The following MPHOSPH6 variants were observed in gnomAD, a reference collection of about 807,000 sequenced individuals.
MPHOSPH6 encodes M-phase phosphoprotein 6.
In MPHOSPH6, 25 loss-of-function variants were observed where a neutral mutation model predicts 21.8. The observed-to-expected ratio is 1.15, with a 90% confidence interval of 0.83 to 1.60. The LOEUF (loss-of-function observed/expected upper bound fraction) is 1.60, where lower values mean the gene tolerates loss of function less well. Among genes scored for constraint, MPHOSPH6 ranks in the 40% most tolerant of loss-of-function variants. The pLI is 0.00. For missense variants in MPHOSPH6, 269 were observed against 181.8 expected (o/e 1.48, Z -2.76); for synonymous variants, 84 against 56.5 (o/e 1.49, Z -2.18).
intron 1 of MPHOSPH6, chr16:82,165,051 GT>G (rs2142417897): frequency 6.6e-6 from 1 of 150,894 alleles, no homozygotes; most frequent in African/African-American, 2.4e-5. Flanking sequence ...TAGCAGTTAG[GT>G]TTCAGCTTCC....
intron 2 of MPHOSPH6, among the ~76,000 whole-genome samples, chr16:82,156,292 G>C (rs1289449235): frequency 1.3e-5 from 2 of 152,158 alleles, no homozygotes; most frequent in South Asian, 2.1e-4. Flanking sequence ...CACTGAGCTT[G>C]AGTTAATGAT....
At chr16:82,169,997 A>G (rs1030153665) in intron 1 of MPHOSPH6, 128 bp downstream of exon 1, 3 of 1,063,454 alleles carry the variant, frequency 2.8e-6, no homozygotes, top group African/African-American at 1.6e-5. Flanking sequence ...TGAATGAATG[A>G]GCACGAGAGC....
intron 2 of MPHOSPH6, among the ~76,000 whole-genome samples, chr16:82,157,690 C>A (rs550108491): frequency 8.5e-5 from 13 of 152,230 alleles, no homozygotes; most frequent in Middle Eastern, 3.4e-3. Context: ...AGAGGAGAGG[C>A]GTCTTTTAAA....
At chr16:82,151,221 T>G (rs1906253793) in intron 3 of MPHOSPH6, 2 of 607,622 alleles carry the variant, frequency 3.3e-6, no homozygotes, top group African/African-American at 1.9e-5. Context: ...TACTGCTATA[T>G]GAAATTATCT....
chr16:82,170,139 G>T lies in MPHOSPH6; in HGVS notation c.37C>A (p.Leu13Ile). Reference protein sequence around the residue: ...AERKTRLSKNLLRMKFMQRGL... With the variant: ...AERKTRLSKNILRMKFMQRGL... ...CGTCCCCGCACCTTCATGCGCAGTA[G>T]ATTCTTGGACAACCTTGTCTTTCGC... is the stretch of plus-strand genomic sequence containing the variant. Residue 13 changes from leucine to isoleucine, a missense_variant, in exon 1 of 5, where the codon CTA becomes ATA. By Grantham distance (5) the Leu-to-Ile change is conservative. Transcript: ENST00000258169. The T allele has an allele frequency of 6.3e-7, 1 of 1,594,026 alleles. No homozygotes were observed. The highest frequency in any genetic ancestry group is 8.5e-7 in the Non-Finnish European group (1 of 1,170,422).
At chr16:82,153,832 C>T (rs1906345010) in intron 2 of MPHOSPH6, among the ~76,000 whole-genome samples, 1 of 152,174 alleles carries the variant, frequency 6.6e-6, no homozygotes, top group Non-Finnish European at 1.5e-5. Context: ...AGAATTTATG[C>T]TCCTACAGTT....
rs116804398 is a variant in MPHOSPH6 at position 82,167,930 on chromosome 16, C to T, written c.51+2195G>A. Among the ~76,000 whole-genome samples the T allele has an allele frequency of 6.5e-3, 993 of 152,214 alleles. 18 individuals are homozygous for T. The highest frequency in any genetic ancestry group is 0.023 in the African/African-American group (942 of 41,528). On this transcript the variant is annotated intron_variant, in intron 1 of 4. Coordinates refer to ENST00000258169, the MANE Select transcript of MPHOSPH6 (RefSeq NM_005792.2). ...TAGGACTTAGCTCTGGTTAAGGCAC[C>T]CTAAGTGCAGCTACTCCATGCCTTC...
At chr16:82,159,186 G>A (rs764654290) in intron 2 of MPHOSPH6, among the ~76,000 whole-genome samples, 5 of 152,168 alleles carry the variant, frequency 3.3e-5, no homozygotes, top group East Asian at 1.9e-4. Context: ...GACTGCAGGC[G>A]TTCAGAGTCT....
intron 2 of MPHOSPH6, among the ~76,000 whole-genome samples, chr16:82,154,148 T>C (rs561796911): frequency 1.2e-4 from 18 of 152,306 alleles, no homozygotes; most frequent in South Asian, 2.1e-4. Flanking sequence ...TACCCTGCAA[T>C]TGCATGTTGA....
chr16:82,166,233 T>C (rs901657335), intron 1 of MPHOSPH6, among the ~76,000 whole-genome samples: 1 of 152,098 alleles, frequency 6.6e-6, no homozygotes, highest in Non-Finnish European at 1.5e-5. Flanking sequence ...AAGTAAAAAG[T>C]AAAAGAAAAC....
At chr16:82,165,110 A>G (rs893449438) in intron 1 of MPHOSPH6, among the ~76,000 whole-genome samples, 4 of 79,952 alleles carry the variant, frequency 5.0e-5, no homozygotes, top group African/African-American at 1.8e-4. Flanking sequence ...CAGGTCCGAT[A>G]TTTCTTTTTT....
intron 1 of MPHOSPH6, among the ~76,000 whole-genome samples, chr16:82,166,813 AGTC>A (rs1906796756): frequency 6.6e-6 from 1 of 152,110 alleles, no homozygotes; most frequent in African/African-American, 2.4e-5. Flanking sequence ...TCTCCCATTT[AGTC>A]ATGTACCTAT....
rs1330629055 is a variant in MPHOSPH6 at position 82,148,442 on chromosome 16, A to T, written c.*289T>A. ...TCAATTCAAGGTCAGTGACTGGAGA[A>T]CTATATTAAGAGAAACCTGAGGTAA... is the stretch of plus-strand genomic sequence containing the variant. On this transcript the variant is annotated 3_prime_UTR_variant, in exon 5 of 5. Transcript: ENST00000258169. The T allele has an allele frequency of 3.8e-6, 1 of 261,344 alleles. No homozygotes were observed. The highest frequency in any genetic ancestry group is 2.2e-5 in the African/African-American group (1 of 45,532). 16.2% of individuals were successfully genotyped at this position (261,344 alleles called of 1,614,324 possible).
At chr16:82,169,604 T>A (rs1161261436) in intron 1 of MPHOSPH6, among the ~76,000 whole-genome samples, 6 of 152,196 alleles carry the variant, frequency 3.9e-5, no homozygotes, top group African/African-American at 1.4e-4. Context: ...ATACATCTTG[T>A]TGATTCTGTT....
At position 82,151,219 on chromosome 16, in the gene MPHOSPH6, T is replaced by A. The variant is rs370791050; in HGVS notation, c.255+205A>T. ...CTCTGTCAAGGGCTGTATACTGCTA[T>A]ATGAAATTATCTACTCACCTCTACC... is the stretch of plus-strand genomic sequence containing the variant. On this transcript the variant is annotated intron_variant, in intron 3 of 4. Coordinates refer to ENST00000258169, the MANE Select transcript of MPHOSPH6 (RefSeq NM_005792.2). 206 of 590,156 alleles carry A rather than the reference T, an allele frequency of 3.5e-4. 5 individuals carry two copies. Among genetic ancestry groups the A allele is most frequent in the South Asian group, 3.2e-3 (151 of 46,600 alleles). 36.6% of individuals were successfully genotyped at this position (590,156 alleles called of 1,614,324 possible). A position where few individuals can be genotyped will look rare whatever the true frequency, so the allele number is the denominator to read the frequency against.
intron 2 of MPHOSPH6, among the ~76,000 whole-genome samples, chr16:82,156,508 G>C (rs187306021): frequency 1.3e-5 from 2 of 152,188 alleles, no homozygotes; most frequent in East Asian, 3.9e-4. Context: ...TATGGAAATG[G>C]CCAAAAAGGA....
chr16:82,157,902 G>A (rs947135619), intron 2 of MPHOSPH6, among the ~76,000 whole-genome samples: 3 of 152,176 alleles, frequency 2.0e-5, no homozygotes, highest in African/African-American at 7.2e-5. Context: ...AGTAGCAGGA[G>A]GTCAGAGTTA....
At chr16:82,164,756 G>A (rs949584450) in intron 1 of MPHOSPH6, 1 of 152,410 alleles carries the variant, frequency 6.6e-6, no homozygotes, top group Admixed American at 6.5e-5. Context: ...AGCACAGTAA[G>A]AGCCCGATAA....
intron 3 of MPHOSPH6, 71 bp from the exon 4 acceptor site, chr16:82,149,474 T>G (rs866485361): frequency 7.6e-7 from 1 of 1,322,224 alleles, no homozygotes. Flanking sequence ...CAAACTTACC[T>G]GAAGGCAGAG....
Sources: gnomAD v4.1 joint callset for allele counts (sites outside exome capture counted in the v4.1 genomes callset) on GRCh38, gnomAD v4.1.1 for gene constraint, MANE v1.5 for transcripts, NCBI Gene and HGNC (gene_info 2026-07-23, HGNC 2026-07-21) for gene names.